Variants in PRKG1 observed in about 807,000 individuals in gnomAD.
PRKG1 encodes cGMP-dependent protein kinase 1.
PRKG1 carries 35 observed loss-of-function variants against 88.1 expected under a neutral mutation model. That is an observed-to-expected ratio of 0.40 (90% CI 0.30 to 0.53). The LOEUF (loss-of-function observed/expected upper bound fraction) is 0.53, where lower values mean the gene tolerates loss of function less well. Among genes scored for constraint, PRKG1 ranks in the 20% least tolerant of loss-of-function variants. The pLI is 0.59. For missense variants in PRKG1, 540 were observed against 839.8 expected, an observed-to-expected ratio of 0.64 and a Z score of 4.41; for synonymous variants, 303 against 292.5, an observed-to-expected ratio of 1.04 and a Z score of -0.37.
chr10:52,247,818 C>A (rs924847583), intron 9 of PRKG1, among the ~76,000 whole-genome samples: 2 of 152,104 alleles, frequency 1.3e-5, no homozygotes, highest in African/African-American at 4.8e-5. Flanking sequence ...CGGGGAGACC[C>A]TAACCCAGCG....
At chr10:52,057,124 T>A (rs1846129616) in intron 6 of PRKG1, among the ~76,000 whole-genome samples, 1 of 152,218 alleles carries the variant, frequency 6.6e-6, no homozygotes, top group Admixed American at 6.5e-5. Context: ...ACTGGCTTTT[T>A]CTTAGAAAAT....
At chr10:52,016,191 A>T (rs11000474) in intron 5 of PRKG1, among the ~76,000 whole-genome samples, 38,972 of 152,182 alleles carry the variant, frequency 0.26, 5,466 homozygotes, top group Non-Finnish European at 0.33. Flanking sequence ...ACTACCTAAG[A>T]GTGGGTAATT....
intron 1 of PRKG1, among the ~76,000 whole-genome samples, chr10:51,125,623 A>C (rs1845376683): frequency 6.7e-6 from 1 of 149,544 alleles, no homozygotes; most frequent in African/African-American, 2.4e-5. Flanking sequence ...CAGAGGTTAC[A>C]GTGAGCCAAG....
chr10:51,505,042 C>T (rs553931082), intron 3 of PRKG1, among the ~76,000 whole-genome samples: 1 of 152,282 alleles, frequency 6.6e-6, no homozygotes, highest in Non-Finnish European at 1.5e-5. Context: ...ACATCTCTGT[C>T]TTGTGCCCGT....
intron 3 of PRKG1, among the ~76,000 whole-genome samples, chr10:51,483,218 T>C (rs293315): frequency 0.6 from 91,409 of 151,660 alleles, 28,795 homozygotes; most frequent in East Asian, 0.85. Context: ...GACAGGGTTT[T>C]ATTATGTTGG....
intron 3 of PRKG1, among the ~76,000 whole-genome samples, chr10:51,658,221 G>A (rs967948373): frequency 1.3e-5 from 2 of 152,062 alleles, no homozygotes; most frequent in African/African-American, 4.8e-5. Flanking sequence ...TCCTGCAAGT[G>A]AGACTCTCTT....
At chr10:51,001,739 A>G (rs1008820180) in intron 1 of PRKG1, among the ~76,000 whole-genome samples, 2 of 152,170 alleles carry the variant, frequency 1.3e-5, no homozygotes, top group East Asian at 1.9e-4. Flanking sequence ...AACAAAAAAG[A>G]GGTGGTACGG....
chr10:51,576,522 C>A (rs1017570480), intron 3 of PRKG1, among the ~76,000 whole-genome samples: 1 of 151,852 alleles, frequency 6.6e-6, no homozygotes, highest in Admixed American at 6.6e-5. Flanking sequence ...CTAGAATATC[C>A]TTTTACAGAT....
chr10:51,396,705 A>G (rs1837586474), intron 2 of PRKG1, among the ~76,000 whole-genome samples: 1 of 152,240 alleles, frequency 6.6e-6, no homozygotes, highest in African/African-American at 2.4e-5. Flanking sequence ...TCACGTGGAG[A>G]TGTTGTCAGA....
At chr10:51,658,261 G>A (rs977222048) in intron 3 of PRKG1, among the ~76,000 whole-genome samples, 8 of 151,986 alleles carry the variant, frequency 5.3e-5, no homozygotes, top group Admixed American at 4.6e-4. Context: ...GCACCCACTC[G>A]CCATATCTAT....
At chr10:51,131,104 T>G (rs972183171) in intron 1 of PRKG1, among the ~76,000 whole-genome samples, 7 of 152,192 alleles carry the variant, frequency 4.6e-5, no homozygotes, top group Non-Finnish European at 4.4e-5. Flanking sequence ...TTAATGTTCC[T>G]GGTAGATTTT....
At chr10:51,031,087 C>A (rs1843276046) in intron 1 of PRKG1, among the ~76,000 whole-genome samples, 1 of 152,086 alleles carries the variant, frequency 6.6e-6, no homozygotes, top group African/African-American at 2.4e-5. Flanking sequence ...ATTATATTGT[C>A]TGGAAAAGAT....
chr10:51,972,180 A>AT (rs1333094860), intron 5 of PRKG1, among the ~76,000 whole-genome samples: 3 of 152,222 alleles, frequency 2.0e-5, no homozygotes, highest in East Asian at 1.9e-4. Flanking sequence ...TATGTTTAAC[A>AT]TTTTTTACAT....
intron 2 of PRKG1, among the ~76,000 whole-genome samples, chr10:51,257,999 G>A (rs1839609200): frequency 6.6e-6 from 1 of 152,130 alleles, no homozygotes; most frequent in African/African-American, 2.4e-5. Context: ...GCTAAAGCCT[G>A]GACCTAGAGT....
intron 5 of PRKG1, among the ~76,000 whole-genome samples, chr10:52,053,041 T>C (rs1418916372): frequency 1.3e-5 from 2 of 152,216 alleles, no homozygotes; most frequent in Non-Finnish European, 2.9e-5. Context: ...TCTTGTTAAA[T>C]GAAATAAATC....
chr10:51,493,158 C>T (rs1840752094), intron 3 of PRKG1, among the ~76,000 whole-genome samples: 1 of 152,032 alleles, frequency 6.6e-6, no homozygotes, highest in Admixed American at 6.6e-5. Context: ...ATTACCACTC[C>T]CCTTGAATAT....
intron 1 of PRKG1, among the ~76,000 whole-genome samples, chr10:51,130,558 A>C (rs1484364230): frequency 6.6e-6 from 1 of 152,230 alleles, no homozygotes; most frequent in Admixed American, 6.5e-5. Flanking sequence ...TCAGAAAAAT[A>C]AATTCCATCT....
intron 4 of PRKG1, among the ~76,000 whole-genome samples, chr10:51,823,865 CCTTTTTTTTTTT>C (rs1473900708): frequency 8.6e-6 from 1 of 116,746 alleles, no homozygotes; most frequent in Non-Finnish European, 1.8e-5. Context: ...TTTTCTCTCT[CCTTTTTTTTTTT>C]TTTTTTTTTT....
At chr10:51,165,511 C>T (rs1318885173) in intron 2 of PRKG1, among the ~76,000 whole-genome samples, 2 of 152,146 alleles carry the variant, frequency 1.3e-5, no homozygotes, top group African/African-American at 4.8e-5. Flanking sequence ...AACCAGCTAA[C>T]ATCATAATGA....
Sources: allele counts gnomAD v4.1 joint callset (sites outside exome capture counted in the v4.1 genomes callset), GRCh38; gene constraint gnomAD v4.1.1; transcripts MANE v1.5; gene names NCBI Gene and HGNC (gene_info 2026-07-23, HGNC 2026-07-21).